The following SLC17A9 variants were observed in gnomAD, a reference collection of about 807,000 sequenced individuals.
SLC17A9 encodes the protein solute carrier family 17 member 9, also known as voltage-gated purine nucleotide uniporter SLC17A9.
In SLC17A9, 49 loss-of-function variants were observed where a neutral mutation model predicts 55.0. That is an observed-to-expected ratio of 0.89 (90% CI 0.71 to 1.13). The LOEUF is 1.13. Ranked by LOEUF, SLC17A9 falls within the 50% of genes most tolerant of loss-of-function variation. The probability of loss-of-function intolerance (pLI) is 0.00; values close to 1 mark genes in which losing one functional copy is unlikely to be tolerated. For synonymous variants in SLC17A9, 256 were observed against 247.4 expected, an observed-to-expected ratio of 1.03 and a Z score of -0.32; for missense variants, 526 against 569.3, an observed-to-expected ratio of 0.92 and a Z score of 0.77.
chr20:62,963,652 T>G lies in SLC17A9; in HGVS notation c.794T>G (p.Phe265Cys). 1.2e-6 allele frequency: 2 copies of G among 1,602,190 alleles called. No homozygotes were observed. The highest frequency in any genetic ancestry group is 1.1e-5 in the South Asian group (1 of 88,638). Residue 265 changes from phenylalanine (F) to cysteine (C), a missense_variant, in exon 7 of 13, where the codon TTC becomes TGC. Phe to Cys is a radical substitution (Grantham distance 205, BLOSUM62 -2). Coordinates refer to ENST00000370351, the MANE Select transcript of SLC17A9 (RefSeq NM_022082.4). ...FFILLSWLPT[F>C]FEETFPDAKG... ...ATCCTCCTCTCCTGGCTGCCCACCTTCTTCGAGGAGACCTTCCCCGACGCC... is the reference window on the plus strand; with the variant it reads ...ATCCTCCTCTCCTGGCTGCCCACCTGCTTCGAGGAGACCTTCCCCGACGCC...
rs1030635612 is a variant in SLC17A9 at position 62,963,731 on chromosome 20, T to C, written c.822+51T>C. 2.7e-6 allele frequency: 4 copies of C among 1,506,218 alleles called. No homozygotes were observed. The African/African-American group carries it at 5.5e-5, about 21-fold the overall frequency. 93.3% of individuals were successfully genotyped at this position (1,506,218 alleles called of 1,614,324 possible). On this transcript the variant is annotated intron_variant, in intron 7 of 12. Transcript: ENST00000370351. ...AAGGAGCGCCCAGAAGGCACGAGGC[T>C]TGAGCTGCACCAGGCACTGTGGGTC...
In SLC17A9 at chr20:62,958,879, A is replaced by T. The variant is rs2065564997; in HGVS notation, c.397+1299A>T. Among the ~76,000 whole-genome samples, 1 of 152,142 alleles carries T rather than the reference A, an allele frequency of 6.6e-6. No homozygotes were observed. ...TCACATGAGAACAAGGGCCCAGTGC[A>T]TGGCCCACCCTCAGAAGAGGGTGCA... On this transcript the variant is annotated intron_variant, in intron 3 of 12. Transcript: ENST00000370351. This position sits in a 1 kb window ranked among gnomAD's most constrained non-coding sequence, Gnocchi z 4.1.
chr20:62,959,773 G>C (rs2065573548), intron 3 of SLC17A9, among the ~76,000 whole-genome samples: 1 of 152,254 alleles, frequency 6.6e-6, no homozygotes, highest in Admixed American at 6.5e-5. Context: ...CCCCCTGCAG[G>C]GTAGCATCAG....
intron 2 of SLC17A9, 36 bp from the exon 3 acceptor site, chr20:62,957,405 C>T (rs372949958): frequency 1.3e-6 from 2 of 1,547,150 alleles, no homozygotes; most frequent in African/African-American, 1.4e-5. Flanking sequence ...TGGTCCTGCA[C>T]AGCCACATCC....
rs201096108 is a variant in SLC17A9 at position 62,957,402 on chromosome 20, G to A, written c.258-39G>A. 2.1e-3 allele frequency: 3,187 copies of A among 1,545,516 alleles called. 7 individuals carry two copies. Among genetic ancestry groups the A allele is most frequent in the Middle Eastern group, 3.1e-3 (18 of 5,742 alleles). ...AGTCAGGGTGGTGCCCCTTGGTCCTGCACAGCCACATCCTCACCTCCCTCT... is the reference window on the plus strand; with the variant it reads ...AGTCAGGGTGGTGCCCCTTGGTCCTACACAGCCACATCCTCACCTCCCTCT... On this transcript the variant is annotated intron_variant, in intron 2 of 12. Transcript: ENST00000370351.
At chr20:62,966,946 G>T (rs1359006465) in intron 12 of SLC17A9, 2 of 612,672 alleles carry the variant, frequency 3.3e-6, no homozygotes, top group Non-Finnish European at 5.6e-6. Context: ...GTCGCCATCT[G>T]CCCTGACTCA....
intron 2 of SLC17A9, chr20:62,957,187 C>A (rs1181702014): frequency 1.7e-5 from 17 of 985,038 alleles, no homozygotes; most frequent in Non-Finnish European, 1.9e-5. Flanking sequence ...AAGACCCCCC[C>A]AGAGGAAGAT....
At chr20:62,957,710 G>A in intron 3 of SLC17A9, 130 bp downstream of exon 3, 1 of 779,990 alleles carries the variant, frequency 1.3e-6, no homozygotes, top group Non-Finnish European at 1.8e-6. Context: ...GTATGGGCAT[G>A]CCCGCGTGCA....
intron 9 of SLC17A9, 101 bp from the exon 10 acceptor site, chr20:62,965,509 T>TGTGCG (rs981006248): frequency 2.1e-4 from 234 of 1,115,526 alleles, no homozygotes; most frequent in Non-Finnish European, 2.9e-4. Context: ...ACCTGACCGT[T>TGTGCG]GTGCGGTGCG....
chr20:62,965,570 G>C (rs569078410), intron 9 of SLC17A9, 40 bp from the exon 10 acceptor site: 2 of 1,582,980 alleles, frequency 1.3e-6, no homozygotes, highest in African/African-American at 1.3e-5. Flanking sequence ...TGCTGCAGGC[G>C]GGCTGGGTGC....
intron 10 of SLC17A9, 86 bp downstream of exon 10, chr20:62,965,811 C>A: frequency 8.1e-7 from 1 of 1,231,510 alleles, no homozygotes; most frequent in Non-Finnish European, 1.2e-6. Context: ...CTCTGTCCGC[C>A]TCTCTCAGTC....
At chr20:62,956,648 A>G (rs1274292203) in intron 1 of SLC17A9, 117 bp from the exon 2 acceptor site, 7 of 958,288 alleles carry the variant, frequency 7.3e-6, no homozygotes, top group Non-Finnish European at 1.1e-5. Context: ...CCCTCCATCA[A>G]AGCTGTCCCC....
Position 62,957,548 on chromosome 20 carries a change from CCTT to C in SLC17A9, c.368_370del (p.Phe123del), listed in dbSNP as rs1351558906. On this transcript the variant is annotated inframe_deletion, in exon 3 of 13. Transcript: ENST00000370351. ...AGCAGTGCCCACCTGGCCTTCATGA[CCTT>C]CTCACGCATCCTCATGGGCTTGCTC... 3.1e-6 allele frequency: 5 copies of C among 1,594,828 alleles called. No individual in the cohort carries two copies. Among genetic ancestry groups the C allele is most frequent in the African/African-American group, 2.7e-5 (2 of 74,104 alleles).
rs139852714 is a variant in SLC17A9, at chr20:62,964,077, A to G, written c.823-151A>G. On this transcript the variant is annotated intron_variant, in intron 7 of 12. Transcript: ENST00000370351. ...TTGCTGCCCTGCCGGGTGGTGGTCAAGAGCTGCACATTCCCAGGAGCAGGG... is the reference window on the plus strand; with the variant it reads ...TTGCTGCCCTGCCGGGTGGTGGTCAGGAGCTGCACATTCCCAGGAGCAGGG... The G allele has an allele frequency of 7.5e-4, 575 of 771,804 alleles. 3 individuals carry two copies. The African/African-American group carries it at 8.8e-3, about 12-fold the overall frequency. 47.8% of individuals were successfully genotyped at this position (771,804 alleles called of 1,614,324 possible). A position where few individuals can be genotyped will look rare whatever the true frequency, so the allele number is the denominator to read the frequency against.
intron 10 of SLC17A9, 88 bp from the exon 11 acceptor site, chr20:62,966,437 C>A (rs1601100121): frequency 1.4e-6 from 2 of 1,465,480 alleles, no homozygotes; most frequent in East Asian, 4.6e-5. Flanking sequence ...CTCCACGAGA[C>A]CTTGCTTCCC....
chr20:62,965,253 C>T (rs2065625411), intron 9 of SLC17A9, 87 bp downstream of exon 9: 15 of 1,563,074 alleles, frequency 9.6e-6, no homozygotes, highest in Non-Finnish European at 1.2e-5. Flanking sequence ...CCCCAAGTCA[C>T]CTGATATCTG....
intron 7 of SLC17A9, 29 bp downstream of exon 7, chr20:62,963,709 G>T: frequency 6.4e-7 from 1 of 1,554,908 alleles, no homozygotes; most frequent in Non-Finnish European, 8.7e-7. Flanking sequence ...CAGGGTGAAG[G>T]AGCGCCCAGA....
chr20:62,965,507 G>T, intron 9 of SLC17A9, 103 bp from the exon 10 acceptor site: 1 of 1,104,686 alleles, frequency 9.1e-7, no homozygotes, highest in Non-Finnish European at 1.3e-6. Context: ...CAACCTGACC[G>T]TTGTGCGGTG....
At chr20:62,955,114 A>G (rs1601083953) in intron 1 of SLC17A9, among the ~76,000 whole-genome samples, 1 of 148,262 alleles carries the variant, frequency 6.7e-6, no homozygotes, top group Non-Finnish European at 1.5e-5. Context: ...ACACCACCAC[A>G]CTCAGCTAAT....
Sources: allele counts gnomAD v4.1 joint callset (sites outside exome capture counted in the v4.1 genomes callset), GRCh38; gene constraint gnomAD v4.1.1; non-coding constraint Gnocchi (gnomAD v3.1); transcripts MANE v1.5; gene names NCBI Gene and HGNC (gene_info 2026-07-23, HGNC 2026-07-21).